CDK19: variants seen among roughly 807,000 people sequenced by gnomAD.
CDK19 encodes the protein cyclin dependent kinase 19, also known as cyclin-dependent kinase 19.
CDK19 carries 20 observed loss-of-function variants against 68.3 expected under a neutral mutation model. The observed-to-expected ratio is 0.29, with a 90% CI of 0.21 to 0.43. The LOEUF (loss-of-function observed/expected upper bound fraction) is 0.43, where lower values mean the gene tolerates loss of function less well. Among genes scored for constraint, CDK19 ranks in the 20% least tolerant of loss-of-function variants. The pLI is 1.00. For missense variants in CDK19, 339 were observed against 623.5 expected (o/e 0.54, Z 4.86); for synonymous variants, 221 against 222.8 (o/e 0.99, Z 0.07).
intron 2 of CDK19, among the ~76,000 whole-genome samples, chr6:110,723,151 C>CAAAAA (rs34599467): frequency 2.6e-4 from 34 of 132,240 alleles, no homozygotes; most frequent in African/African-American, 9.3e-4. Context: ...AAACAAAAAA[C>CAAAAA]AAAAAAAAAA....
intron 2 of CDK19, among the ~76,000 whole-genome samples, chr6:110,736,100 G>C (rs1373539864): frequency 6.6e-6 from 1 of 152,184 alleles, no homozygotes. Context: ...CCAGCACTTT[G>C]GGAGGCCTAG....
chr6:110,634,062 A>G (rs1779605536), intron 5 of CDK19, among the ~76,000 whole-genome samples: 1 of 152,258 alleles, frequency 6.6e-6, no homozygotes, highest in Non-Finnish European at 1.5e-5. Context: ...CCAATGTACT[A>G]TAAAATGCAT....
intron 2 of CDK19, among the ~76,000 whole-genome samples, chr6:110,679,513 G>A (rs985116662): frequency 4.6e-5 from 7 of 152,086 alleles, no homozygotes; most frequent in Non-Finnish European, 7.4e-5. Flanking sequence ...TCAGGAGGCC[G>A]AGGCAGGAGA....
chr6:110,739,423 C>T (rs1039183276), intron 2 of CDK19, among the ~76,000 whole-genome samples: 15 of 152,090 alleles, frequency 9.9e-5, no homozygotes, highest in Non-Finnish European at 2.1e-4. Flanking sequence ...TCCCAGCCTC[C>T]AGAATTGTTA....
chr6:110,698,946 T>C (rs538142900), intron 2 of CDK19, among the ~76,000 whole-genome samples: 2 of 150,892 alleles, frequency 1.3e-5, no homozygotes, highest in East Asian at 3.9e-4. Flanking sequence ...ACCTGTATGT[T>C]AGGGGGTTGA....
intron 2 of CDK19, among the ~76,000 whole-genome samples, chr6:110,718,303 C>T (rs1250327918): frequency 6.6e-6 from 1 of 152,080 alleles, no homozygotes; most frequent in African/African-American, 2.4e-5. Flanking sequence ...TCTAAACCGC[C>T]ACTCAAAAAC....
chr6:110,660,257 C>T (rs1781536535), intron 4 of CDK19, among the ~76,000 whole-genome samples: 2 of 152,128 alleles, frequency 1.3e-5, no homozygotes, highest in African/African-American at 2.4e-5. Context: ...TCGACCTGCT[C>T]TCAGGAGGGG....
At chr6:110,775,520 A>G (rs1367318925) in intron 1 of CDK19, among the ~76,000 whole-genome samples, 3 of 152,230 alleles carry the variant, frequency 2.0e-5, no homozygotes, top group African/African-American at 4.8e-5. Context: ...GCTAGGCAGT[A>G]TGGGAGAAAT....
chr6:110,761,168 G>A (rs1448381244), intron 1 of CDK19, among the ~76,000 whole-genome samples: 1 of 152,050 alleles, frequency 6.6e-6, no homozygotes, highest in Non-Finnish European at 1.5e-5. Context: ...GGCTGGTCTC[G>A]AATGCCTTGG....
chr6:110,721,988 G>C (rs1407320149), intron 2 of CDK19, among the ~76,000 whole-genome samples: 1 of 151,956 alleles, frequency 6.6e-6, no homozygotes, highest in Non-Finnish European at 1.5e-5. Flanking sequence ...AAGATCAAAG[G>C]ACACACAAGT....
chr6:110,745,756 C>T (rs1234675672), intron 2 of CDK19, among the ~76,000 whole-genome samples: 1 of 151,920 alleles, frequency 6.6e-6, no homozygotes, highest in Non-Finnish European at 1.5e-5. Context: ...CATTTGAGCC[C>T]AGAAGTTTGA....
intron 1 of CDK19, among the ~76,000 whole-genome samples, chr6:110,763,406 CTTA>C (rs1265727866): frequency 2.7e-5 from 4 of 147,970 alleles, no homozygotes; most frequent in Non-Finnish European, 5.9e-5. Context: ...TCTCACCACT[CTTA>C]TTATGTTTTT....
At chr6:110,801,673 G>A (rs1011459714) in intron 1 of CDK19, among the ~76,000 whole-genome samples, 11 of 152,092 alleles carry the variant, frequency 7.2e-5, no homozygotes, top group South Asian at 4.2e-4. Flanking sequence ...CACTGCACCC[G>A]GCTAATTTTT....
At position 110,622,928 on chromosome 6, in the gene CDK19, G is replaced by A. The variant is rs777637889; in HGVS notation, c.934-16C>T. The A allele has an allele frequency of 2.7e-6, 4 of 1,464,884 alleles. No homozygotes were observed. In the African/African-American group the frequency reaches 5.6e-5, roughly 20 times the overall value. 90.7% of individuals were successfully genotyped at this position (1,464,884 alleles called of 1,614,324 possible). The stretch of plus-strand genomic sequence containing the variant: ...GTTTCTGAAGCTAGAGTGACACACA[G>A]GAAATGTACAGCACATGAAAAGGTT... On this transcript the variant is annotated splice_polypyrimidine_tract_variant and intron_variant, in intron 9 of 12. Transcript: ENST00000368911.
In CDK19 at chr6:110,632,088, T is replaced by C; in HGVS notation, c.588A>G (p.Thr196=). 1 of 1,614,028 alleles carries C rather than the reference T, an allele frequency of 6.2e-7. No homozygotes were observed. Among genetic ancestry groups the C allele is most frequent in the Non-Finnish European group, 8.5e-7 (1 of 1,179,930 alleles). ...PLADLDPVVV[T]FWYRAPELLL... ...AAAGTTCTGGAGCCCGATACCAAAA[T>C]GTCACAACTACTGGATCCAAATCTG... The change falls in exon 6 of 13, where the codon ACA becomes ACG. Residue 196 remains threonine (T), a synonymous_variant. Coordinates refer to ENST00000368911, the MANE Select transcript of CDK19 (RefSeq NM_015076.5).
At chr6:110,724,366 AT>A (rs1776173293) in intron 2 of CDK19, among the ~76,000 whole-genome samples, 1 of 152,116 alleles carries the variant, frequency 6.6e-6, no homozygotes, top group Admixed American at 6.6e-5. Flanking sequence ...AAAAAAAAAA[AT>A]ACCAACAAAA....
chr6:110,657,091 C>T (rs1781351463), intron 4 of CDK19, among the ~76,000 whole-genome samples: 1 of 152,160 alleles, frequency 6.6e-6, no homozygotes, highest in Admixed American at 6.5e-5. Flanking sequence ...AGACTGAGCT[C>T]TCTTGTTTTA....
intron 2 of CDK19, 37 bp from the exon 3 acceptor site, chr6:110,670,578 T>C (rs754933738): frequency 1.7e-6 from 2 of 1,196,980 alleles, no homozygotes; most frequent in African/African-American, 1.5e-5. Flanking sequence ...ACTGTTGTGT[T>C]AGCAAGGAGG....
rs1302320647 is a variant in CDK19, at chr6:110,815,283, T to C, written c.-147A>G. On this transcript the variant is annotated 5_prime_UTR_variant, in exon 1 of 13. Coordinates refer to ENST00000368911, the MANE Select transcript of CDK19 (RefSeq NM_015076.5). ...CCGCCCGCCGCCCGCCGCTCCGCGG[T>C]CCGCCTTCAGCAAGGGACTCCTCGG... The C allele has an allele frequency of 1.2e-5, 11 of 929,036 alleles. No homozygotes were observed. The highest frequency in any genetic ancestry group is 3.7e-4 in the Middle Eastern group (1 of 2,690). The allele number at this position is 929,036 out of a possible 1,614,324, so 57.5% of individuals were successfully genotyped here.
Sources: allele counts gnomAD v4.1 joint callset (sites outside exome capture counted in the v4.1 genomes callset), GRCh38; gene constraint gnomAD v4.1.1; transcripts MANE v1.5; gene names NCBI Gene and HGNC (gene_info 2026-07-23, HGNC 2026-07-21).